Variants in NAALADL2 observed in about 807,000 individuals in gnomAD.
NAALADL2 encodes N-acetylated alpha-linked acidic dipeptidase like 2, also known as inactive N-acetylated-alpha-linked acidic dipeptidase-like protein 2.
A neutral mutation model predicts 87.2 loss-of-function variants in NAALADL2; 76 were observed. The observed-to-expected ratio is 0.87, with a 90% CI of 0.72 to 1.05. NAALADL2 has a LOEUF of 1.05. Among genes scored for constraint, NAALADL2 ranks in the 50% least tolerant of loss-of-function variants. The pLI, the probability that NAALADL2 is intolerant of heterozygous loss-of-function variation, is 0.00. For synonymous variants in NAALADL2, 354 were observed against 331.0 expected (o/e 1.07, Z -0.75); for missense variants, 1,089 against 945.8 (o/e 1.15, Z -1.99).
chr3:175,639,487 AT>A (rs1246481806), intron 11 of NAALADL2, among the ~76,000 whole-genome samples: 3 of 151,538 alleles, frequency 2.0e-5, no homozygotes. Flanking sequence ...AGCCCGGCTA[AT>A]TTTTTGTATT....
chr3:175,459,863 C>T (rs1246334172), intron 6 of NAALADL2, among the ~76,000 whole-genome samples: 1 of 152,168 alleles, frequency 6.6e-6, no homozygotes, highest in Non-Finnish European at 1.5e-5. Flanking sequence ...TGTTCATAAT[C>T]ATACACGTTT....
At chr3:175,724,524 C>G (rs558132651) in intron 11 of NAALADL2, among the ~76,000 whole-genome samples, 10 of 152,214 alleles carry the variant, frequency 6.6e-5, no homozygotes, top group Admixed American at 5.2e-4. Flanking sequence ...AATGTCAAGT[C>G]TCACTTTGTA....
chr3:174,707,022 C>T (rs1434196713), intron 2 of NAALADL2, among the ~76,000 whole-genome samples: 1 of 152,158 alleles, frequency 6.6e-6, no homozygotes, highest in Non-Finnish European at 1.5e-5. Flanking sequence ...GACATTTATG[C>T]AGCCAACAGA....
In NAALADL2 at chr3:175,342,505, C is replaced by CGTGTGTGT. The variant is rs35444340; in HGVS notation, c.1090+18201_1090+18208dup. Among the ~76,000 whole-genome samples, 732 of 146,702 alleles carry CGTGTGTGT rather than the reference C, an allele frequency of 5.0e-3. 8 individuals are homozygous for CGTGTGTGT. Among genetic ancestry groups the CGTGTGTGT allele is most frequent in the African/African-American group, 0.017 (693 of 40,210 alleles). ...CCCTCCTGGCATTTGCCAAATATTG[C>CGTGTGTGT]GTGTGTGTGTGTGTGTGTGTGTGTG... On this transcript the variant is annotated intron_variant, in intron 5 of 13. Transcript: ENST00000454872.
At chr3:174,444,002 ATATTT>A (rs1714860283) in intron 1 of NAALADL2, among the ~76,000 whole-genome samples, 3 of 144,822 alleles carry the variant, frequency 2.1e-5, no homozygotes, top group Admixed American at 6.8e-5. Flanking sequence ...CATCACTTGA[ATATTT>A]TTATTGAAAA....
At chr3:175,280,205 T>C (rs934951120) in intron 4 of NAALADL2, among the ~76,000 whole-genome samples, 1 of 152,020 alleles carries the variant, frequency 6.6e-6, no homozygotes, top group Admixed American at 6.6e-5. Context: ...TTCTATTCTT[T>C]CTAGTTCTTC....
At chr3:175,769,495 A>G (rs1422070025) in intron 13 of NAALADL2, among the ~76,000 whole-genome samples, 2 of 152,182 alleles carry the variant, frequency 1.3e-5, no homozygotes, top group Admixed American at 6.5e-5. Context: ...AGGGCCTTTA[A>G]TATCTCATTA....
intron 9 of NAALADL2, among the ~76,000 whole-genome samples, chr3:175,565,903 C>T (rs553862900): frequency 7.2e-6 from 1 of 139,784 alleles, no homozygotes; most frequent in Non-Finnish European, 1.5e-5. Context: ...GTTATTGGCT[C>T]ACCGCAACCT....
intron 3 of NAALADL2, among the ~76,000 whole-genome samples, chr3:175,246,059 C>G (rs1747916791): frequency 6.6e-6 from 1 of 152,098 alleles, no homozygotes; most frequent in Admixed American, 6.6e-5. Flanking sequence ...TGATGGAAAG[C>G]CACTGAGTGA....
At chr3:175,666,439 G>C (rs940429788) in intron 11 of NAALADL2, among the ~76,000 whole-genome samples, 1 of 152,106 alleles carries the variant, frequency 6.6e-6, no homozygotes, top group South Asian at 2.1e-4. Context: ...ATCACTTGTA[G>C]TATAGAGACA....
chr3:175,464,264 G>T (rs1291063163), intron 7 of NAALADL2, among the ~76,000 whole-genome samples: 1 of 151,626 alleles, frequency 6.6e-6, no homozygotes, highest in East Asian at 1.9e-4. Flanking sequence ...TCAAATGTCT[G>T]CATGGCTTTA....
Position 174,903,975 on chromosome 3 carries a change from C to A in NAALADL2, c.43+44525C>A, listed in dbSNP as rs562172328. ...GGAATATCTATATCTATATCTATAT[C>A]TATATCTATTTCTATATCTATATCT... On this transcript the variant is annotated intron_variant, in intron 1 of 13. Coordinates refer to ENST00000454872, the MANE Select transcript of NAALADL2 (RefSeq NM_207015.3). Among the ~76,000 whole-genome samples the A allele has an allele frequency of 2.6e-5, 4 of 151,324 alleles. 1 individual carries two copies. Among genetic ancestry groups the A allele is most frequent in the African/African-American group, 9.7e-5 (4 of 41,098 alleles).
At chr3:175,178,265 A>ATATAT (rs1458151171) in intron 2 of NAALADL2, among the ~76,000 whole-genome samples, 10 of 152,056 alleles carry the variant, frequency 6.6e-5, no homozygotes, top group Admixed American at 5.3e-4. Context: ...AAGAAAAGCC[A>ATATAT]TCTCATATAT....
At chr3:174,998,790 T>C (rs1392345322) in intron 1 of NAALADL2, among the ~76,000 whole-genome samples, 1 of 152,150 alleles carries the variant, frequency 6.6e-6, no homozygotes, top group Non-Finnish European at 1.5e-5. Flanking sequence ...ATTTGCTCCA[T>C]TCCAGGCAAA....
At chr3:174,888,988 A>T (rs2109777678) in intron 1 of NAALADL2, among the ~76,000 whole-genome samples, 1 of 152,312 alleles carries the variant, frequency 6.6e-6, no homozygotes, top group South Asian at 2.1e-4. Context: ...TATATTAGGC[A>T]CAACTTTTGG....
At chr3:175,671,171 G>T (rs1043845707) in intron 11 of NAALADL2, among the ~76,000 whole-genome samples, 1 of 150,772 alleles carries the variant, frequency 6.6e-6, no homozygotes, top group African/African-American at 2.5e-5. Flanking sequence ...TTTTCCAAAG[G>T]AAGTGAAAAA....
chr3:174,522,948 A>G (rs1478779780), intron 1 of NAALADL2, among the ~76,000 whole-genome samples: 4 of 147,568 alleles, frequency 2.7e-5, no homozygotes, highest in Admixed American at 6.6e-5. Context: ...AAAAAAAAAA[A>G]AAAAAAAAAG....
chr3:174,568,420 T>C (rs1283703097), intron 2 of NAALADL2, among the ~76,000 whole-genome samples: 1 of 151,758 alleles, frequency 6.6e-6, no homozygotes, highest in African/African-American at 2.4e-5. Context: ...TGCTTGCCCA[T>C]GAAATATGGT....
chr3:175,071,778 A>G (rs1315786000), intron 1 of NAALADL2, among the ~76,000 whole-genome samples: 1 of 149,252 alleles, frequency 6.7e-6, no homozygotes, highest in Non-Finnish European at 1.5e-5. Flanking sequence ...GCAGAAACAA[A>G]GGATATTAAA....
Sources: allele counts gnomAD v4.1 joint callset (sites outside exome capture counted in the v4.1 genomes callset), GRCh38; gene constraint gnomAD v4.1.1; transcripts MANE v1.5; gene names NCBI Gene and HGNC (gene_info 2026-07-23, HGNC 2026-07-21).